SYNPO2: variants seen among roughly 807,000 people sequenced by gnomAD.
SYNPO2 encodes the protein synaptopodin-2.
In SYNPO2, 56 loss-of-function variants were observed where a neutral mutation model predicts 85.0. That is an observed-to-expected ratio of 0.66 (90% CI 0.53 to 0.82). The LOEUF is 0.82. Ranked by LOEUF, SYNPO2 falls within the 40% of genes least tolerant of loss-of-function variation. SYNPO2 has a pLI of 0.00. For synonymous variants in SYNPO2, 602 were observed against 591.1 expected, an observed-to-expected ratio of 1.02 and a Z score of -0.27; for missense variants, 1,575 against 1,534.2, an observed-to-expected ratio of 1.03 and a Z score of -0.44.
At chr4:118,924,739 G>A (rs754089207) in intron 1 of SYNPO2, among the ~76,000 whole-genome samples, 1 of 152,174 alleles carries the variant, frequency 6.6e-6, no homozygotes, top group Non-Finnish European at 1.5e-5. Context: ...ACCAGGCAAA[G>A]CTCAGTATTT....
In SYNPO2 at chr4:119,053,871, A is replaced by T. The variant is rs570110631; in HGVS notation, c.3253-3530A>T. On this transcript the variant is annotated intron_variant, in intron 4 of 4. Transcript: ENST00000307142. ...TTATTTCTTTTTCCAGTTATTAGCC[A>T]GTAAATTAAACACCTGTATATATGT... is the stretch of plus-strand genomic sequence containing the variant. Among the ~76,000 whole-genome samples, 3 of 152,320 alleles carry T rather than the reference A, an allele frequency of 2.0e-5. No individual in the cohort carries two copies. In the South Asian group the frequency reaches 6.2e-4, roughly 32 times the overall value.
At chr4:118,871,346 C>T (rs962245850) in intron 1 of SYNPO2, among the ~76,000 whole-genome samples, 1 of 151,684 alleles carries the variant, frequency 6.6e-6, no homozygotes, top group African/African-American at 2.4e-5. Context: ...TCCATAGTGC[C>T]CAGCCTCTTT....
chr4:118,989,031 A>G (rs1251357712), intron 1 of SYNPO2, among the ~76,000 whole-genome samples: 1 of 152,188 alleles, frequency 6.6e-6, no homozygotes, highest in Non-Finnish European at 1.5e-5. Flanking sequence ...CACACATAAA[A>G]CAAGAGTCAT....
chr4:119,030,533 T>G lies in SYNPO2; in HGVS notation c.1758T>G (p.Asn586Lys), dbSNP rs1333987124. The G allele has an allele frequency of 6.2e-7, 1 of 1,613,996 alleles. No homozygotes were observed. The highest frequency in any genetic ancestry group is 2.2e-5 in the East Asian group (1 of 44,882). ...TANIQRMVPM[N>K]RTAKPFPGSV... The stretch of plus-strand genomic sequence containing the variant: ...ACATCCAGAGGATGGTCCCCATGAA[T>G]AGAACGGCCAAACCCTTCCCAGGGT... Residue 586 changes from asparagine to lysine, a missense_variant, in exon 4 of 5, where the codon AAT becomes AAG. Physicochemically the swap from Asn to Lys is moderately conservative, Grantham distance 94 (BLOSUM62 0). Coordinates refer to ENST00000307142, the MANE Select transcript of SYNPO2 (RefSeq NM_133477.3).
chr4:118,943,335 G>A (rs62327795), intron 1 of SYNPO2, among the ~76,000 whole-genome samples: 16,064 of 152,148 alleles, frequency 0.11, 934 homozygotes, highest in East Asian at 0.15. Context: ...AGAGGGGCTC[G>A]GTATCAGAGC....
At chr4:118,976,017 C>G (rs1447705809) in intron 1 of SYNPO2, among the ~76,000 whole-genome samples, 1 of 152,224 alleles carries the variant, frequency 6.6e-6, no homozygotes, top group Admixed American at 6.5e-5. Flanking sequence ...CTCCCTGTCC[C>G]CTACCAGAGC....
intron 1 of SYNPO2, among the ~76,000 whole-genome samples, chr4:118,975,339 A>C (rs547059786): frequency 6.6e-6 from 1 of 152,230 alleles, no homozygotes; most frequent in Non-Finnish European, 1.5e-5. Flanking sequence ...CACCTATGGC[A>C]ACAGAAAATT....
intron 1 of SYNPO2, among the ~76,000 whole-genome samples, chr4:118,966,155 G>A (rs1442529484): frequency 2.0e-5 from 3 of 152,282 alleles, no homozygotes; most frequent in South Asian, 4.1e-4. Context: ...TAGGTGGATC[G>A]GAGGGACTCA....
chr4:118,879,293 T>C (rs554041967), intron 1 of SYNPO2, among the ~76,000 whole-genome samples: 1 of 152,174 alleles, frequency 6.6e-6, no homozygotes, highest in African/African-American at 2.4e-5. Flanking sequence ...GAAGTGCCAA[T>C]TCAGAGAGGG....
At chr4:118,973,665 G>T (rs1215923430) in intron 1 of SYNPO2, among the ~76,000 whole-genome samples, 1 of 152,118 alleles carries the variant, frequency 6.6e-6, no homozygotes. Context: ...GCAAATGCCA[G>T]TTCATAGCCA....
At chr4:119,016,308 T>G (rs1737523450) in intron 1 of SYNPO2, among the ~76,000 whole-genome samples, 1 of 151,914 alleles carries the variant, frequency 6.6e-6, no homozygotes, top group African/African-American at 2.4e-5. Flanking sequence ...TGCCAGCTAC[T>G]TGGGAGGCTG....
At chr4:119,020,435 T>C (rs760660110) in intron 1 of SYNPO2, among the ~76,000 whole-genome samples, 2 of 152,212 alleles carry the variant, frequency 1.3e-5, no homozygotes, top group Non-Finnish European at 2.9e-5. Flanking sequence ...TTTCCTATCA[T>C]GCAACACATG....
chr4:119,054,794 G>T (rs1739160909), intron 4 of SYNPO2, among the ~76,000 whole-genome samples: 1 of 152,176 alleles, frequency 6.6e-6, no homozygotes, highest in Non-Finnish European at 1.5e-5. Flanking sequence ...CTCACTTTGG[G>T]CTGTAAGTTT....
chr4:119,056,893 A>G (rs1739224932), intron 4 of SYNPO2, among the ~76,000 whole-genome samples: 1 of 152,196 alleles, frequency 6.6e-6, no homozygotes. Context: ...ACATTAGATA[A>G]CAGATTAAAA....
At chr4:118,950,023 G>A (rs577924415) in intron 1 of SYNPO2, among the ~76,000 whole-genome samples, 2 of 152,120 alleles carry the variant, frequency 1.3e-5, no homozygotes, top group African/African-American at 4.8e-5. Flanking sequence ...TTGCTTTCAC[G>A]TTAAATAATT....
chr4:118,991,136 C>T (rs1198663620), intron 1 of SYNPO2, among the ~76,000 whole-genome samples: 1 of 151,928 alleles, frequency 6.6e-6, no homozygotes, highest in Non-Finnish European at 1.5e-5. Context: ...TAGTGCGTGA[C>T]CACTTTTTAT....
At chr4:118,949,018 C>CT (rs1176150874) in intron 1 of SYNPO2, among the ~76,000 whole-genome samples, 2 of 152,132 alleles carry the variant, frequency 1.3e-5, no homozygotes, top group East Asian at 3.9e-4. Flanking sequence ...ATAAAAATCT[C>CT]TGAGTAGGGC....
At chr4:118,953,281 T>G (rs1240730683) in intron 1 of SYNPO2, among the ~76,000 whole-genome samples, 1 of 152,218 alleles carries the variant, frequency 6.6e-6, no homozygotes, top group Non-Finnish European at 1.5e-5. Flanking sequence ...ACGCTTTTAA[T>G]GAGCACACCA....
At position 119,031,240 on chromosome 4, in the gene SYNPO2, T is replaced by C. The variant is rs565206988; in HGVS notation, c.2465T>C (p.Leu822Ser). 37 of 1,614,086 alleles carry C rather than the reference T, an allele frequency of 2.3e-5. No individual in the cohort carries two copies. In the South Asian group the frequency reaches 3.5e-4, roughly 15 times the overall value. Residue 822 changes from leucine (L) to serine (S), a missense_variant, in exon 4 of 5, where the codon TTG becomes TCG. Leu to Ser is a moderately radical substitution (Grantham distance 145, BLOSUM62 -2). Transcript: ENST00000307142. ...SYPPARPAST[L>S]NVAGPFKGPQ... The stretch of plus-strand genomic sequence containing the variant: ...CCTCCTGCCCGGCCTGCAAGTACTT[T>C]GAACGTGGCTGGTCCCTTCAAAGGA...
Sources: allele counts gnomAD v4.1 joint callset (sites outside exome capture counted in the v4.1 genomes callset), GRCh38; gene constraint gnomAD v4.1.1; transcripts MANE v1.5; gene names NCBI Gene and HGNC (gene_info 2026-07-23, HGNC 2026-07-21).